EIF3J: variants seen among roughly 807,000 people sequenced by gnomAD.
The protein encoded by EIF3J is eukaryotic translation initiation factor 3 subunit J.
A neutral mutation model predicts 39.0 loss-of-function variants in EIF3J; 15 were observed. The observed-to-expected ratio is 0.38, with a 90% CI of 0.26 to 0.59. The LOEUF is 0.59. Ranked by LOEUF, EIF3J falls within the 20% of genes least tolerant of loss-of-function variation. The probability of loss-of-function intolerance (pLI) is 0.60; values close to 1 mark genes in which losing one functional copy is unlikely to be tolerated. For missense variants in EIF3J, 226 were observed against 308.6 expected (o/e 0.73, Z 2.00); for synonymous variants, 98 against 112.9 (o/e 0.87, Z 0.84).
At chr15:44,553,324 C>T (rs1455312519) in intron 4 of EIF3J, among the ~76,000 whole-genome samples, 1 of 151,934 alleles carries the variant, frequency 6.6e-6, no homozygotes, top group Non-Finnish European at 1.5e-5. Flanking sequence ...AACCCCGTCT[C>T]TACTAAAAAA....
intron 5 of EIF3J, among the ~76,000 whole-genome samples, 167 bp from the exon 6 acceptor site, chr15:44,557,321 TC>T (rs568478315): frequency 3.8e-4 from 58 of 151,228 alleles, no homozygotes; most frequent in African/African-American, 1.3e-3. Context: ...GTAACCCCCC[TC>T]CCCCCTCACC....
intron 2 of EIF3J, among the ~76,000 whole-genome samples, chr15:44,539,959 A>T (rs2081996975): frequency 2.2e-5 from 3 of 134,332 alleles, no homozygotes; most frequent in Admixed American, 7.5e-5. Flanking sequence ...TTTTTTTTTG[A>T]GATAGAGTCT....
intron 2 of EIF3J, among the ~76,000 whole-genome samples, chr15:44,538,849 G>C (rs1228540380): frequency 6.6e-6 from 1 of 152,120 alleles, no homozygotes; most frequent in Non-Finnish European, 1.5e-5. Flanking sequence ...GGAAGTGGCA[G>C]TTAAGACATC....
At chr15:44,552,923 T>C (rs142585518) in intron 4 of EIF3J, among the ~76,000 whole-genome samples, 29 of 151,862 alleles carry the variant, frequency 1.9e-4, no homozygotes, top group African/African-American at 7.0e-4. Context: ...TGGTGGCTCA[T>C]GCCTGTAATT....
chr15:44,560,899 T>G, intron 7 of EIF3J, 119 bp from the exon 8 acceptor site: 1 of 1,369,912 alleles, frequency 7.3e-7, no homozygotes, highest in African/African-American at 1.5e-5. Context: ...GGATGTCCCT[T>G]ACAGAACTAG....
At chr15:44,543,759 A>G (rs1236039793) in intron 2 of EIF3J, among the ~76,000 whole-genome samples, 1 of 152,044 alleles carries the variant, frequency 6.6e-6, no homozygotes, top group Non-Finnish European at 1.5e-5. Context: ...TGGAGTAGGG[A>G]ATGTCTAGGT....
chr15:44,537,557 C>T, intron 2 of EIF3J, 130 bp downstream of exon 2: 2 of 917,872 alleles, frequency 2.2e-6, no homozygotes, highest in Non-Finnish European at 1.5e-6. Context: ...CCTGGCGGTG[C>T]TCTCTTCCCC....
intron 5 of EIF3J, among the ~76,000 whole-genome samples, chr15:44,555,327 A>T (rs1461810691): frequency 1.3e-5 from 2 of 152,230 alleles, no homozygotes; most frequent in African/African-American, 2.4e-5. Context: ...TCAGAGTAGA[A>T]GATCATGTTG....
rs768500090 is a variant in EIF3J at position 44,537,184 on chromosome 15, C to T, written c.-11C>T. The T allele has an allele frequency of 6.8e-6, 11 of 1,611,910 alleles. No individual in the cohort carries two copies. The highest frequency in any genetic ancestry group is 9.3e-6 in the Non-Finnish European group (11 of 1,179,022). ...GCTCTCCCTCTCACACACGCTCACA[C>T]CCGGCTCGAGATGGCGGCGGCGGCG... On this transcript the variant is annotated 5_prime_UTR_variant, in exon 1 of 8. Coordinates refer to ENST00000261868, the MANE Select transcript of EIF3J (RefSeq NM_003758.4).
At position 44,561,074 on chromosome 15, in the gene EIF3J, C is replaced by T; in HGVS notation, c.702C>T (p.Ala234=). Reference sequence around the variant, plus strand: ...TGGTTCCTGGAGGGGGATTAAAAGCCACCATGAAAGATGATCTGGCAGATT... The same window carrying T: ...TGGTTCCTGGAGGGGGATTAAAAGCTACCATGAAAGATGATCTGGCAGATT... ...KGVVPGGGLK[A]TMKDDLADYG... Residue 234 remains alanine (A), a synonymous_variant, in exon 8 of 8, where the codon GCC becomes GCT. Transcript: ENST00000261868. 1.2e-6 allele frequency: 2 copies of T among 1,613,648 alleles called. No homozygotes were observed. Among genetic ancestry groups the T allele is most frequent in the Non-Finnish European group, 1.7e-6 (2 of 1,179,792 alleles).
intron 2 of EIF3J, among the ~76,000 whole-genome samples, chr15:44,539,114 C>A (rs756259894): frequency 1.3e-5 from 2 of 151,290 alleles, no homozygotes; most frequent in East Asian, 2.0e-4. Context: ...GCAACCTCCA[C>A]CTCCTGGGTT....
At chr15:44,550,729 T>C (rs1410794035) in intron 2 of EIF3J, 147 bp from the exon 3 acceptor site, 17 of 579,370 alleles carry the variant, frequency 2.9e-5, no homozygotes, top group Non-Finnish European at 1.9e-5. Flanking sequence ...CATTATAAGA[T>C]GTCAATTCCC....
At chr15:44,559,328 CTT>C (rs1491559514) in intron 6 of EIF3J, 1 of 142,838 alleles carries the variant, frequency 7.0e-6, no homozygotes, top group Non-Finnish European at 1.5e-5. Flanking sequence ...AGGACAATCA[CTT>C]GAATCTGGGA....
At position 44,551,422 on chromosome 15, in the gene EIF3J, T is replaced by A. The variant is rs1428136268; in HGVS notation, c.203-9T>A. On this transcript the variant is annotated splice_polypyrimidine_tract_variant and intron_variant, in intron 3 of 7. Transcript: ENST00000261868. ...AGTATAACTGAATAAAACTTTTTTT[T>A]ACTTTTAGAGGTAAAAATTTCAGAA... 6.5e-7 allele frequency: 1 copy of A among 1,547,778 alleles called. No individual in the cohort carries two copies.
At chr15:44,540,247 ATATATATATATATATATATATTTTTTTT>A (rs2082000551) in intron 2 of EIF3J, among the ~76,000 whole-genome samples, 1 of 43,616 alleles carries the variant, frequency 2.3e-5, no homozygotes, top group African/African-American at 7.1e-5. Flanking sequence ...ATATATATAT[ATATATATATATATATATATATTTTTTTT>A]TTTTTTTTGT....
chr15:44,537,649 G>A lies in EIF3J; in HGVS notation c.147+222G>A, dbSNP rs144596794. Among the ~76,000 whole-genome samples, 125 of 152,368 alleles carry A rather than the reference G, an allele frequency of 8.2e-4. No individual in the cohort carries two copies. The South Asian group carries it at 0.013, about 16-fold the overall frequency. ...TCGCCGGTTGAGAGTCTGCTCTCCG[G>A]CGTGGATCCCACCCGCCGGCTGGCG... On this transcript the variant is annotated intron_variant, in intron 2 of 7. Coordinates refer to ENST00000261868, the MANE Select transcript of EIF3J (RefSeq NM_003758.4).
rs10630378 is a variant in EIF3J at position 44,544,098 on chromosome 15, C to CT, written c.147+6685dup. Among the ~76,000 whole-genome samples the CT allele has an allele frequency of 1.5e-3, 198 of 134,002 alleles. 9 individuals carry two copies. Among genetic ancestry groups the CT allele is most frequent in the Middle Eastern group, 7.6e-3 (2 of 264 alleles). The allele number at this position is 134,002 out of a possible 152,430, so 87.9% of individuals were successfully genotyped here. ...TTTCTTTTTTCTTTTCTTTTCTTTT[C>CT]TTTTTTTTTTTTTTAGACGGAGGCC... On this transcript the variant is annotated intron_variant, in intron 2 of 7. Transcript: ENST00000261868.
intron 2 of EIF3J, among the ~76,000 whole-genome samples, chr15:44,540,511 G>A (rs1305638064): frequency 1.3e-5 from 2 of 150,254 alleles, no homozygotes; most frequent in Admixed American, 6.7e-5. Flanking sequence ...AGGTTAAAGC[G>A]ATCTTCCCGC....
At chr15:44,556,832 AT>A (rs2082149045) in intron 5 of EIF3J, among the ~76,000 whole-genome samples, 2 of 151,574 alleles carry the variant, frequency 1.3e-5, no homozygotes, top group African/African-American at 2.4e-5. Flanking sequence ...AATTAAAAAA[AT>A]TTTTTTTGTA....
Sources: allele counts gnomAD v4.1 joint callset (sites outside exome capture counted in the v4.1 genomes callset), GRCh38; gene constraint gnomAD v4.1.1; transcripts MANE v1.5; gene names NCBI Gene and HGNC (gene_info 2026-07-23, HGNC 2026-07-21).